Variants in BRCA2 observed in about 807,000 individuals in gnomAD.
The protein encoded by BRCA2 is breast cancer type 2 susceptibility protein.
In BRCA2, 203 loss-of-function variants were observed where a neutral mutation model predicts 276.7. The observed-to-expected ratio is 0.73, with a 90% confidence interval of 0.65 to 0.82. The LOEUF is 0.82. BRCA2 is among the 40% of genes least tolerant of loss of function. BRCA2 has a pLI of 0.00. For synonymous variants in BRCA2, 1,289 were observed against 1,338.4 expected, an observed-to-expected ratio of 0.96 and a Z score of 0.81; for missense variants, 3,920 against 3,915.0, an observed-to-expected ratio of 1.00 and a Z score of -0.03.
At position 32,332,938 on chromosome 13, in the gene BRCA2, C is replaced by A. The variant is rs56390402; in HGVS notation, c.1460C>A (p.Ala487Glu). 3.0e-4 allele frequency: 475 copies of A among 1,607,264 alleles called. No homozygotes were observed. The highest frequency in any genetic ancestry group is 3.8e-4 in the Non-Finnish European group (453 of 1,178,450). ...HTDCILAVKQ[A>E]ISGTSPVASS... ...GACTGCATTCTTGCAGTAAAGCAGGCAATATCTGGAACTTCTCCAGTGGCT... is the reference window on the plus strand; with the variant it reads ...GACTGCATTCTTGCAGTAAAGCAGGAAATATCTGGAACTTCTCCAGTGGCT... Residue 487 changes from alanine (A) to glutamate (E), a missense_variant, in exon 10 of 27, where the codon GCA becomes GAA. By Grantham distance (107) the Ala-to-Glu change is moderately radical. Coordinates refer to ENST00000380152, the MANE Select transcript of BRCA2 (RefSeq NM_000059.4).
In BRCA2 at chr13:32,336,518, A is replaced by G. The variant is rs1350344563; in HGVS notation, c.2163A>G (p.Pro721=). Residue 721 remains proline, a synonymous_variant, in exon 11 of 27, where the codon CCA becomes CCG. Transcript: ENST00000380152. ...AGGAAGGACAGTGTGAAAATGATCC[A>G]AAAAGCAAAAAAGTTTCAGATATAA... is the stretch of plus-strand genomic sequence containing the variant. ...CLQEGQCEND[P]KSKKVSDIKE... is the part of the protein sequence containing the mutation. 1 of 1,614,116 alleles carries G rather than the reference A, an allele frequency of 6.2e-7. No individual in the cohort carries two copies. The highest frequency in any genetic ancestry group is 1.6e-4 in the Middle Eastern group (1 of 6,062).
intron 24 of BRCA2, among the ~76,000 whole-genome samples, chr13:32,381,715 G>C (rs370226963): frequency 6.6e-6 from 1 of 152,160 alleles, no homozygotes; most frequent in African/African-American, 2.4e-5. Flanking sequence ...GAGGGACACT[G>C]TCTGACAGGT....
At chr13:32,353,317 C>A (rs188883226) in intron 13 of BRCA2, among the ~76,000 whole-genome samples, 74 of 152,294 alleles carry the variant, frequency 4.9e-4, no homozygotes, top group Admixed American at 4.2e-3. Flanking sequence ...TCAGTCCTTT[C>A]AGTAGAACTG....
rs2137509200 is a variant in BRCA2 at position 32,339,052 on chromosome 13, C to T, written c.4697C>T (p.Thr1566Ile). The T allele has an allele frequency of 1.2e-6, 2 of 1,613,950 alleles. No homozygotes were observed. The highest frequency in any genetic ancestry group is 1.7e-6 in the Non-Finnish European group (2 of 1,179,922). Reference protein sequence around the residue: ...ITSFSHQWAKTLKYREACKDL... With the variant: ...ITSFSHQWAKILKYREACKDL... ...AGTTTTAGCCATCAATGGGCAAAGACCCTAAAGTACAGAGAGGCCTGTAAA... is the reference window on the plus strand; with the variant it reads ...AGTTTTAGCCATCAATGGGCAAAGATCCTAAAGTACAGAGAGGCCTGTAAA... Residue 1566 changes from threonine (T) to isoleucine (I), a missense_variant, in exon 11 of 27, where the codon ACC becomes ATC. Physicochemically the swap from Thr to Ile is moderately conservative, Grantham distance 89 (BLOSUM62 -1). This residue lies in a region of BRCA2 where 3,263 missense variants were observed against 3,156.9 expected (regional missense o/e 1.03). Transcript: ENST00000380152.
rs786201728 is a variant in BRCA2 at position 32,339,146 on chromosome 13, T to C, written c.4791T>C (p.Ser1597=). ...AAPKCKEMQN[S]LNNDKNLVSI... is the part of the protein sequence containing the mutation. ...CAAAGTGTAAAGAAATGCAGAATTC[T>C]CTCAATAATGATAAAAACCTTGTTT... The change falls in exon 11 of 27, where the codon TCT becomes TCC. Residue 1597 remains serine (S), a synonymous_variant. Transcript: ENST00000380152. 1.2e-5 allele frequency: 20 copies of C among 1,613,872 alleles called. No individual in the cohort carries two copies. The African/African-American group carries it at 1.3e-4, about 11-fold the overall frequency.
chr13:32,344,255 C>T (rs1267876789), intron 11 of BRCA2, among the ~76,000 whole-genome samples: 2 of 150,584 alleles, frequency 1.3e-5, no homozygotes, highest in Non-Finnish European at 3.0e-5. Flanking sequence ...TATTTAGTGT[C>T]AGTTTTTCAA....
At chr13:32,382,558 T>C (rs1166353329) in intron 24 of BRCA2, among the ~76,000 whole-genome samples, 1 of 152,176 alleles carries the variant, frequency 6.6e-6, no homozygotes, top group Non-Finnish European at 1.5e-5. Flanking sequence ...GAATTGATCA[T>C]TGGCTTTAAC....
Position 32,339,265 on chromosome 13 carries a change from T to G in BRCA2, c.4910T>G (p.Val1637Gly), listed in dbSNP as rs397507343. The G allele has an allele frequency of 1.2e-6, 2 of 1,611,700 alleles. No homozygotes were observed. Among genetic ancestry groups the G allele is most frequent in the African/African-American group, 1.3e-5 (1 of 74,658 alleles). The change falls in exon 11 of 27, where the codon GTT becomes GGT. Residue 1637 changes from valine (V) to glycine (G), a missense_variant. Val to Gly is a moderately radical substitution (Grantham distance 109, BLOSUM62 -3). Transcript: ENST00000380152. Reference protein sequence around the residue: ...LKTSKSIFLKVKVHENVEKET... With the variant: ...LKTSKSIFLKGKVHENVEKET... ...ACATCAAAAAGTATCTTTTTGAAAG[T>G]TAAAGTACATGAAAATGTAGAAAAA...
intron 3 of BRCA2, among the ~76,000 whole-genome samples, chr13:32,321,163 A>C (rs2072303466): frequency 6.6e-6 from 1 of 152,250 alleles, no homozygotes; most frequent in African/African-American, 2.4e-5. Flanking sequence ...AACAAATGAC[A>C]GGGCAAAGCA....
intron 18 of BRCA2, among the ~76,000 whole-genome samples, chr13:32,365,261 G>T (rs918513906): frequency 6.6e-6 from 1 of 151,574 alleles, no homozygotes; most frequent in African/African-American, 2.4e-5. Context: ...TTTAGCCTCC[G>T]AGAGTGCTGG....
intron 9 of BRCA2, among the ~76,000 whole-genome samples, chr13:32,331,376 T>G (rs1437654952): frequency 2.0e-5 from 3 of 152,170 alleles, no homozygotes; most frequent in African/African-American, 7.2e-5. Flanking sequence ...ACCTTTCCTT[T>G]CTTGACTACT....
intron 20 of BRCA2, among the ~76,000 whole-genome samples, chr13:32,374,280 G>A (rs1192509634): frequency 2.0e-5 from 3 of 152,220 alleles, no homozygotes; most frequent in Non-Finnish European, 2.9e-5. Flanking sequence ...GGCTATTAAC[G>A]TTTGTTTCCT....
rs878853601 is a variant in BRCA2, at chr13:32,355,284, T to C, written c.7431T>C (p.Pro2477=). The change falls in exon 14 of 27, where the codon CCT becomes CCC. Residue 2477 remains proline, a synonymous_variant. Coordinates refer to ENST00000380152, the MANE Select transcript of BRCA2 (RefSeq NM_000059.4). Reference sequence around the variant, plus strand: ...CTTTCACAAAGTGTGAAGAAGAACCTTTAGGTATTGTATGACAATTTGTGT... The same window carrying C: ...CTTTCACAAAGTGTGAAGAAGAACCCTTAGGTATTGTATGACAATTTGTGT... ...AVTFTKCEEE[P]LDLITSLQNA... The C allele has an allele frequency of 1.9e-6, 3 of 1,613,652 alleles. No individual in the cohort carries two copies. Among genetic ancestry groups the C allele is most frequent in the Non-Finnish European group, 2.5e-6 (3 of 1,179,764 alleles).
intron 18 of BRCA2, among the ~76,000 whole-genome samples, chr13:32,365,659 T>C (rs549977481): frequency 3.3e-5 from 5 of 151,316 alleles, no homozygotes; most frequent in Non-Finnish European, 5.9e-5. Flanking sequence ...ATTACGGGCA[T>C]GAGCCACCAC....
intron 24 of BRCA2, among the ~76,000 whole-genome samples, chr13:32,394,036 A>G (rs2073016106): frequency 6.6e-6 from 1 of 152,134 alleles, no homozygotes; most frequent in South Asian, 2.1e-4. Context: ...TCTTCCTTAT[A>G]AGAAGGGGAA....
chr13:32,331,081 G>C (rs1566221603), intron 9 of BRCA2, 51 bp downstream of exon 9: 1 of 1,366,322 alleles, frequency 7.3e-7, no homozygotes, highest in East Asian at 2.4e-5. Flanking sequence ...TTGTTGTTTT[G>C]ATTTTTTTTT....
chr13:32,373,819 T>C (rs2137606504), intron 20 of BRCA2, among the ~76,000 whole-genome samples: 1 of 152,308 alleles, frequency 6.6e-6, no homozygotes, highest in East Asian at 1.9e-4. Flanking sequence ...GGGAGGTGGC[T>C]CCAACCCCGT....
chr13:32,373,188 C>T (rs2072846479), intron 20 of BRCA2, among the ~76,000 whole-genome samples: 1 of 150,664 alleles, frequency 6.6e-6, no homozygotes, highest in South Asian at 2.2e-4. Flanking sequence ...GATGGGGTTT[C>T]ACCATGTTGG....
chr13:32,371,174 T>A, intron 20 of BRCA2, 74 bp downstream of exon 20: 1 of 1,472,650 alleles, frequency 6.8e-7, no homozygotes, highest in South Asian at 1.2e-5. Flanking sequence ...GAATTTAACA[T>A]TTTTAATGAG....
Sources: allele counts gnomAD v4.1 joint callset (sites outside exome capture counted in the v4.1 genomes callset), GRCh38; gene constraint gnomAD v4.1.1; regional missense constraint gnomAD v4.1.1; transcripts MANE v1.5; gene names NCBI Gene and HGNC (gene_info 2026-07-23, HGNC 2026-07-21).